SFMBT1: variants seen among roughly 807,000 people sequenced by gnomAD.
SFMBT1 encodes Scm like with four mbt domains 1.
In SFMBT1, 32 loss-of-function variants were observed where a neutral mutation model predicts 108.7. The observed-to-expected ratio is 0.29, with a 90% CI of 0.22 to 0.40. The LOEUF (loss-of-function observed/expected upper bound fraction) is 0.40. Among genes scored for constraint, SFMBT1 ranks in the 10% least tolerant of loss-of-function variants. SFMBT1 has a pLI of 1.00. For synonymous variants in SFMBT1, 348 were observed against 369.5 expected (o/e 0.94, Z 0.67); for missense variants, 816 against 1,059.6 (o/e 0.77, Z 3.19).
At chr3:52,929,230 A>G (rs1702782325) in intron 8 of SFMBT1, among the ~76,000 whole-genome samples, 1 of 151,944 alleles carries the variant, frequency 6.6e-6, no homozygotes, top group Admixed American at 6.6e-5. Flanking sequence ...AATGCCAAAG[A>G]ACGAACTTTA....
chr3:52,910,490 G>A (rs1285485800), intron 17 of SFMBT1, among the ~76,000 whole-genome samples: 8 of 152,002 alleles, frequency 5.3e-5, no homozygotes, highest in Non-Finnish European at 5.9e-5. Flanking sequence ...TTTTTTAAAG[G>A]GTTCTTTTTT....
At chr3:52,975,164 A>G (rs1346154712) in intron 1 of SFMBT1, among the ~76,000 whole-genome samples, 1 of 152,226 alleles carries the variant, frequency 6.6e-6, no homozygotes, top group Non-Finnish European at 1.5e-5. Context: ...AACTGGAAAA[A>G]AAGAAAACAA....
At chr3:52,920,396 C>A (rs1196304434) in intron 12 of SFMBT1, 141 bp downstream of exon 12, 1 of 703,776 alleles carries the variant, frequency 1.4e-6, no homozygotes, top group Admixed American at 2.9e-5. Context: ...ATATTTGTTA[C>A]AATAAATAAT....
At chr3:53,019,389 G>T (rs1392808155) in intron 1 of SFMBT1, among the ~76,000 whole-genome samples, 6 of 150,940 alleles carry the variant, frequency 4.0e-5, no homozygotes, top group African/African-American at 1.5e-4. Context: ...GTGTGTGTGG[G>T]GGGGGTATAT....
intron 2 of SFMBT1, 122 bp from the exon 3 acceptor site, chr3:52,954,533 G>T (rs896235657): frequency 1.5e-5 from 11 of 750,472 alleles, no homozygotes; most frequent in Non-Finnish European, 2.4e-5. Context: ...TTGCACAAAA[G>T]AATTAAGTGG....
chr3:53,000,139 G>A (rs1326352409), intron 1 of SFMBT1, among the ~76,000 whole-genome samples: 2 of 150,044 alleles, frequency 1.3e-5, no homozygotes, highest in Non-Finnish European at 3.0e-5. Context: ...TGGGATTACA[G>A]GCGTGAGCCA....
At chr3:52,917,178 GT>G in intron 13 of SFMBT1, among the ~76,000 whole-genome samples, 1 of 152,096 alleles carries the variant, frequency 6.6e-6, no homozygotes, top group Non-Finnish European at 1.5e-5. Flanking sequence ...TCTGTTGTTA[GT>G]TTTATTACCC....
At chr3:52,977,732 T>G (rs1704566550) in intron 1 of SFMBT1, among the ~76,000 whole-genome samples, 1 of 152,272 alleles carries the variant, frequency 6.6e-6, no homozygotes, top group South Asian at 2.1e-4. Context: ...AAACTACGTA[T>G]TTCTATAGGC....
chr3:53,009,912 A>T (rs1265474769), intron 1 of SFMBT1, among the ~76,000 whole-genome samples: 1 of 152,312 alleles, frequency 6.6e-6, no homozygotes, highest in African/African-American at 2.4e-5. Context: ...CGGTCTTCAC[A>T]CTGAGTAGGC....
intron 3 of SFMBT1, among the ~76,000 whole-genome samples, chr3:52,945,346 G>T (rs1326522928): frequency 6.6e-6 from 1 of 151,644 alleles, no homozygotes; most frequent in Non-Finnish European, 1.5e-5. Context: ...AATAAATAGT[G>T]AGAGTAATGC....
At chr3:53,031,223 G>T (rs1033082057) in intron 1 of SFMBT1, among the ~76,000 whole-genome samples, 9 of 152,160 alleles carry the variant, frequency 5.9e-5, no homozygotes, top group African/African-American at 1.9e-4. Context: ...CTCAACCTGT[G>T]GCCCATGCAC....
intron 1 of SFMBT1, among the ~76,000 whole-genome samples, chr3:53,044,370 A>G (rs1037873367): frequency 6.6e-6 from 1 of 152,240 alleles, no homozygotes; most frequent in Non-Finnish European, 1.5e-5. Context: ...AAATGTGCCC[A>G]AGATAAGGCA....
chr3:52,916,573 GGAGGAGAATGGCGTGAACCC>G (rs1233025155), intron 13 of SFMBT1, among the ~76,000 whole-genome samples: 1 of 151,582 alleles, frequency 6.6e-6, no homozygotes, highest in Admixed American at 6.6e-5. Flanking sequence ...GGAGGCTGAG[GGAGGAGAATGGCGTGAACCC>G]AGGAGGCAGA....
intron 1 of SFMBT1, among the ~76,000 whole-genome samples, chr3:53,042,424 C>G (rs1048556886): frequency 2.0e-4 from 31 of 152,332 alleles, no homozygotes; most frequent in Non-Finnish European, 3.8e-4. Flanking sequence ...ACTGCAGCCT[C>G]GAACTCCTGG....
rs997494667 is a variant in SFMBT1 at position 53,003,345 on chromosome 3, A to G, written c.-130-34087T>C. Among the ~76,000 whole-genome samples, 5 of 149,960 alleles carry G rather than the reference A, an allele frequency of 3.3e-5. 1 individual carries two copies. The highest frequency in any genetic ancestry group is 7.5e-5 in the Non-Finnish European group (5 of 67,054). ...GAATTATTCATTTTACATGTGATAA[A>G]CGTATTACGGCTTAAAAAGTCATCA... On this transcript the variant is annotated intron_variant, in intron 1 of 20. Coordinates refer to ENST00000394752, the MANE Select transcript of SFMBT1 (RefSeq NM_016329.4).
chr3:52,910,202 T>C (rs1437353220), intron 17 of SFMBT1, among the ~76,000 whole-genome samples: 1 of 152,148 alleles, frequency 6.6e-6, no homozygotes, highest in African/African-American at 2.4e-5. Context: ...CTAAATTTCT[T>C]CCCTTGTTTG....
chr3:52,972,409 G>A (rs1243227327), intron 1 of SFMBT1, among the ~76,000 whole-genome samples: 1 of 152,118 alleles, frequency 6.6e-6, no homozygotes, highest in Non-Finnish European at 1.5e-5. Flanking sequence ...TGGAACATCT[G>A]TTCACGCTCT....
At position 53,000,112 on chromosome 3, in the gene SFMBT1, C is replaced by T. The variant is rs1001150289; in HGVS notation, c.-130-30854G>A. 6.7e-5 allele frequency among the ~76,000 whole-genome samples: 10 copies of T among 149,878 alleles called. 3 individuals are homozygous for T. The highest frequency in any genetic ancestry group is 2.1e-4 in the South Asian group (1 of 4,732). On this transcript the variant is annotated intron_variant, in intron 1 of 20. Transcript: ENST00000394752. ...TTCCTGACCTCGTGATCCGCCCACC[C>T]CGGCCTCCCAAAGTGCTGGGATTAC...
In SFMBT1 at chr3:52,903,597, G is replaced by C. The variant is rs1012442674; in HGVS notation, c.*1539C>G. ...TTTGCTGTAATATTTCCTTATATTT[G>C]TAGAGCTGTTTAGAATTCACCCAGT... On this transcript the variant is annotated 3_prime_UTR_variant, in exon 21 of 21. Transcript: ENST00000394752. 2.6e-5 allele frequency: 4 copies of C among 152,152 alleles called. No homozygotes were observed. Among genetic ancestry groups the C allele is most frequent in the Non-Finnish European group, 2.9e-5 (2 of 68,030 alleles). 9.4% of individuals were successfully genotyped at this position (152,152 alleles called of 1,614,324 possible).
Sources: gnomAD v4.1 joint callset for allele counts (sites outside exome capture counted in the v4.1 genomes callset) on GRCh38, gnomAD v4.1.1 for gene constraint, MANE v1.5 for transcripts, NCBI Gene and HGNC (gene_info 2026-07-23, HGNC 2026-07-21) for gene names.